SNAPC3: variants seen among roughly 807,000 people sequenced by gnomAD.
The protein encoded by SNAPC3 is small nuclear RNA activating complex polypeptide 3, also known as snRNA-activating protein complex subunit 3.
A neutral mutation model predicts 47.7 loss-of-function variants in SNAPC3; 56 were observed. The observed-to-expected ratio is 1.18, with a 90% CI of 0.95 to 1.47. The LOEUF (loss-of-function observed/expected upper bound fraction) is 1.47. Ranked by LOEUF, SNAPC3 falls within the 40% of genes most tolerant of loss-of-function variation. The pLI is 0.00. For synonymous variants in SNAPC3, 235 were observed against 189.9 expected (o/e 1.24, Z -1.95); for missense variants, 665 against 511.3 (o/e 1.30, Z -2.90).
In SNAPC3 at chr9:15,455,498, C is replaced by T. The variant is rs150440872; in HGVS notation, c.980+2293C>T. Reference sequence around the variant, plus strand: ...ACGAGAATCACTTGAACCCGGGAAGCGGAGGTTGCAATGAGCCAAGATCGT... The same window carrying T: ...ACGAGAATCACTTGAACCCGGGAAGTGGAGGTTGCAATGAGCCAAGATCGT... On this transcript the variant is annotated intron_variant, in intron 7 of 8. Transcript: ENST00000380821. 6.3e-3 allele frequency among the ~76,000 whole-genome samples: 964 copies of T among 152,000 alleles called. 13 individuals are homozygous for T. The highest frequency in any genetic ancestry group is 0.022 in the African/African-American group (909 of 41,438).
Position 15,433,546 on chromosome 9 carries a change from C to G in SNAPC3, c.393-6C>G. On this transcript the variant is annotated splice_polypyrimidine_tract_variant and splice_region_variant and intron_variant, in intron 2 of 8. Coordinates refer to ENST00000380821, the MANE Select transcript of SNAPC3 (RefSeq NM_001039697.2). ...GATTTTTTTTTTTCTTTTACATCTA[C>G]AACAGGGTTAGAAAAAGGTTCTTGG... is the stretch of plus-strand genomic sequence containing the variant. The G allele has an allele frequency of 6.4e-7, 1 of 1,554,834 alleles. No individual in the cohort carries two copies. The highest frequency in any genetic ancestry group is 8.8e-7 in the Non-Finnish European group (1 of 1,137,242).
At position 15,428,634 on chromosome 9, in the gene SNAPC3, A is replaced by G. The variant is rs530129894; in HGVS notation, c.392+4648A>G. The stretch of plus-strand genomic sequence containing the variant: ...AGAATTTTTAAAACTATTAATAAGA[A>G]TGGAAATGATGACTAAAGGAGAAAT... On this transcript the variant is annotated intron_variant, in intron 2 of 8. Transcript: ENST00000380821. Among the ~76,000 whole-genome samples the G allele has an allele frequency of 3.9e-5, 6 of 152,304 alleles. No individual in the cohort carries two copies. In the East Asian group the frequency reaches 1.2e-3, roughly 29 times the overall value.
chr9:15,444,852 G>A (rs574522504), intron 4 of SNAPC3, 146 bp downstream of exon 4: 2 of 498,710 alleles, frequency 4.0e-6, no homozygotes, highest in Non-Finnish European at 7.1e-6. Context: ...AGCACTTTGG[G>A]AGGCCAAGGC....
intron 6 of SNAPC3, 116 bp from the exon 7 acceptor site, chr9:15,452,925 C>T: frequency 3.8e-6 from 3 of 783,330 alleles, no homozygotes; most frequent in Non-Finnish European, 6.0e-6. Flanking sequence ...AAGATGGCAA[C>T]TGTCCAGTTA....
chr9:15,455,403 C>T (rs956703783), intron 7 of SNAPC3, among the ~76,000 whole-genome samples: 2 of 152,070 alleles, frequency 1.3e-5, no homozygotes, highest in Non-Finnish European at 2.9e-5. Flanking sequence ...CCTGTCTCTA[C>T]TAAAAATACA....
chr9:15,433,529 T>C, intron 2 of SNAPC3, 23 bp from the exon 3 acceptor site: 1 of 1,441,200 alleles, frequency 6.9e-7, no homozygotes, highest in Non-Finnish European at 9.6e-7. Context: ...TTGATTTTTT[T>C]TTTTCTTTTA....
At chr9:15,450,648 C>A (rs1474182493) in intron 5 of SNAPC3, among the ~76,000 whole-genome samples, 1 of 152,206 alleles carries the variant, frequency 6.6e-6, no homozygotes, top group East Asian at 1.9e-4. Context: ...TGCTTCTCAA[C>A]TCTGGTTGCA....
intron 2 of SNAPC3, among the ~76,000 whole-genome samples, chr9:15,430,605 A>C (rs2032013482): frequency 6.6e-6 from 1 of 152,234 alleles, no homozygotes; most frequent in African/African-American, 2.4e-5. Context: ...GTACCCCTCC[A>C]ACAATATGAA....
intron 1 of SNAPC3, 48 bp from the exon 2 acceptor site, chr9:15,423,861 C>G: frequency 1.8e-6 from 2 of 1,091,194 alleles, no homozygotes; most frequent in Non-Finnish European, 1.3e-6. Context: ...TCGCTGTGAA[C>G]CAGATGCAGA....
At chr9:15,450,424 A>G (rs969581362) in intron 5 of SNAPC3, among the ~76,000 whole-genome samples, 2 of 152,246 alleles carry the variant, frequency 1.3e-5, no homozygotes, top group Admixed American at 6.5e-5. Flanking sequence ...CATATCTCCT[A>G]TACATAAATT....
intron 5 of SNAPC3, among the ~76,000 whole-genome samples, chr9:15,447,499 C>G (rs1288771116): frequency 6.9e-6 from 1 of 145,962 alleles, no homozygotes; most frequent in African/African-American, 2.5e-5. Context: ...TAATAGTGAC[C>G]ACCTAATTTT....
chr9:15,433,861 G>T, intron 3 of SNAPC3: 1 of 364,554 alleles, frequency 2.7e-6, no homozygotes, highest in South Asian at 1.1e-4. Context: ...TTCTTGTTTG[G>T]TTTTATCTTG....
At chr9:15,455,703 C>CTT (rs753310205) in intron 7 of SNAPC3, among the ~76,000 whole-genome samples, 3 of 144,046 alleles carry the variant, frequency 2.1e-5, no homozygotes, top group East Asian at 2.0e-4. Flanking sequence ...ATATATTTTT[C>CTT]TTTTTTTTTT....
chr9:15,433,090 A>G (rs1243576768), intron 2 of SNAPC3, among the ~76,000 whole-genome samples: 1 of 152,196 alleles, frequency 6.6e-6, no homozygotes, highest in African/African-American at 2.4e-5. Flanking sequence ...ATTTATTCCT[A>G]TCATGAGGAA....
At position 15,453,035 on chromosome 9, in the gene SNAPC3, C is replaced by G. The variant is rs745779619; in HGVS notation, c.816-6C>G. On this transcript the variant is annotated splice_region_variant and splice_polypyrimidine_tract_variant and intron_variant, in intron 6 of 8. Coordinates refer to ENST00000380821, the MANE Select transcript of SNAPC3 (RefSeq NM_001039697.2). ...AATGATATATCCTTGCCTTTTCCCC[C>G]CTCAGAACTATCATTGAGTGGTCAG... The G allele has an allele frequency of 9.3e-6, 15 of 1,604,962 alleles. No individual in the cohort carries two copies. Among genetic ancestry groups the G allele is most frequent in the Non-Finnish European group, 1.2e-5 (14 of 1,176,390 alleles).
downstream of SNAPC3, chr9:15,463,159 C>A (rs984936035): frequency 2.7e-5 from 4 of 149,552 alleles, no homozygotes; most frequent in Non-Finnish European, 5.9e-5. Flanking sequence ...TCTGCAATTT[C>A]TCCAAGCAGC....
intron 3 of SNAPC3, among the ~76,000 whole-genome samples, chr9:15,434,229 T>C (rs1233512940): frequency 6.6e-6 from 1 of 152,202 alleles, no homozygotes; most frequent in East Asian, 1.9e-4. Flanking sequence ...CTGTAAATCA[T>C]CACCATTTCC....
At chr9:15,424,937 A>C (rs1327565152) in intron 2 of SNAPC3, among the ~76,000 whole-genome samples, 1 of 152,172 alleles carries the variant, frequency 6.6e-6, no homozygotes, top group Non-Finnish European at 1.5e-5. Context: ...CACCTGGAGC[A>C]CTGTGCAAGG....
At chr9:15,434,748 A>G (rs1312316529) in intron 3 of SNAPC3, among the ~76,000 whole-genome samples, 2 of 152,132 alleles carry the variant, frequency 1.3e-5, no homozygotes, top group Admixed American at 6.5e-5. Context: ...AGGTTCATCC[A>G]TATTGTAACG....
Sources: gnomAD v4.1 joint callset for allele counts (sites outside exome capture counted in the v4.1 genomes callset) on GRCh38, gnomAD v4.1.1 for gene constraint, MANE v1.5 for transcripts, NCBI Gene and HGNC (gene_info 2026-07-23, HGNC 2026-07-21) for gene names.